The following CCDC178 variants were observed in gnomAD, a reference collection of about 807,000 sequenced individuals.
CCDC178 encodes coiled-coil domain-containing protein 178.
Under a neutral mutation model 117.4 loss-of-function variants are expected in CCDC178, and 126 were observed. The ratio of observed to expected loss-of-function variants is 1.07; its 90% CI spans 0.93 to 1.24. The LOEUF (loss-of-function observed/expected upper bound fraction) is 1.24, where lower values mean the gene tolerates loss of function less well. CCDC178 is among the 50% of genes most tolerant of loss of function. The pLI is 0.00. For missense variants in CCDC178, 1,030 were observed against 986.9 expected (o/e 1.04, Z -0.59); for synonymous variants, 283 against 313.4 (o/e 0.90, Z 1.02).
chr18:33,082,785 T>C (rs2057318069), intron 21 of CCDC178, among the ~76,000 whole-genome samples: 1 of 151,874 alleles, frequency 6.6e-6, no homozygotes, highest in South Asian at 2.1e-4. Context: ...AATAATCACA[T>C]CTAAGTTACT....
intron 21 of CCDC178, among the ~76,000 whole-genome samples, chr18:33,028,255 A>AGTGAGATAAGGCACAAACT (rs1203801179): frequency 6.6e-6 from 1 of 151,838 alleles, no homozygotes; most frequent in Non-Finnish European, 1.5e-5. Context: ...TCAAGACAGA[A>AGTGAGATAAGGCACAAACT]GTGAGATAAG....
intron 21 of CCDC178, among the ~76,000 whole-genome samples, chr18:33,054,632 T>C (rs1427584111): frequency 1.3e-5 from 2 of 152,240 alleles, no homozygotes; most frequent in Non-Finnish European, 2.9e-5. Context: ...TAGCATTCCA[T>C]GGTATATATG....
intron 3 of CCDC178, among the ~76,000 whole-genome samples, chr18:33,403,807 G>A (rs1025572980): frequency 7.2e-5 from 11 of 152,168 alleles, no homozygotes; most frequent in African/African-American, 2.7e-4. Flanking sequence ...GTGTGGACTA[G>A]TTTGAGAGTT....
In CCDC178 at chr18:33,370,030, A is replaced by AT; in HGVS notation, c.348+19dup. The AT allele has an allele frequency of 6.6e-7, 1 of 1,525,982 alleles. No homozygotes were observed. Among genetic ancestry groups the AT allele is most frequent in the South Asian group, 1.3e-5 (1 of 78,718 alleles). The allele number at this position is 1,525,982 out of a possible 1,614,324, so 94.5% of individuals were successfully genotyped here. A position where few individuals can be genotyped will look rare whatever the true frequency, so the allele number is the denominator to read the frequency against. ...CGATAAAGCTTACCAAAATATCAGC[A>AT]TTTTAAATTAGTCTCTTACCCTTTT... On this transcript the variant is annotated intron_variant, in intron 6 of 22. Coordinates refer to ENST00000383096, the MANE Select transcript of CCDC178 (RefSeq NM_001105528.4).
chr18:33,015,929 G>A (rs1421850560), intron 21 of CCDC178, among the ~76,000 whole-genome samples: 3 of 152,144 alleles, frequency 2.0e-5, no homozygotes, highest in Non-Finnish European at 4.4e-5. Flanking sequence ...CTTGAAATAG[G>A]TCATTTGAGA....
intron 9 of CCDC178, among the ~76,000 whole-genome samples, chr18:33,338,395 AT>A (rs2062771019): frequency 6.6e-6 from 1 of 152,194 alleles, no homozygotes; most frequent in Non-Finnish European, 1.5e-5. Flanking sequence ...CAGCAATCCC[AT>A]TACTAGGTAT....
intron 21 of CCDC178, among the ~76,000 whole-genome samples, chr18:33,065,174 G>T (rs1337802117): frequency 6.6e-6 from 1 of 152,120 alleles, no homozygotes; most frequent in East Asian, 1.9e-4. Context: ...GATAAGTTCT[G>T]GTGTTCTATT....
chr18:33,296,532 G>T (rs568574136), intron 11 of CCDC178, among the ~76,000 whole-genome samples: 1 of 152,174 alleles, frequency 6.6e-6, no homozygotes, highest in South Asian at 2.1e-4. Context: ...TGGAGGAAGG[G>T]TACACAGGAC....
At chr18:33,358,167 T>C (rs1225604514) in intron 6 of CCDC178, among the ~76,000 whole-genome samples, 2 of 151,994 alleles carry the variant, frequency 1.3e-5, no homozygotes, top group East Asian at 3.9e-4. Context: ...TGTAATCTCA[T>C]GAGACCACTG....
intron 20 of CCDC178, among the ~76,000 whole-genome samples, chr18:33,106,360 C>G (rs978069279): frequency 6.6e-6 from 1 of 151,736 alleles, no homozygotes; most frequent in African/African-American, 2.4e-5. Context: ...AATGCTACAT[C>G]CACTCCAGAA....
intron 1 of CCDC178, 45 bp downstream of exon 1, chr18:33,440,608 C>G (rs1033896683): frequency 1.1e-4 from 16 of 148,540 alleles, no homozygotes; most frequent in Admixed American, 7.9e-4. Context: ...CGCCCCGCGC[C>G]GAGGCACAAG....
At chr18:33,367,015 A>T (rs1461629013) in intron 6 of CCDC178, among the ~76,000 whole-genome samples, 3 of 152,054 alleles carry the variant, frequency 2.0e-5, no homozygotes, top group Non-Finnish European at 4.4e-5. Context: ...TTTCCCTCAG[A>T]CATTCTGGAG....
intron 21 of CCDC178, among the ~76,000 whole-genome samples, chr18:33,028,988 GT>G (rs1202511289): frequency 6.6e-6 from 1 of 151,618 alleles, no homozygotes; most frequent in Non-Finnish European, 1.5e-5. Flanking sequence ...TTATTTTCTT[GT>G]AATTTTTTTC....
In CCDC178 at chr18:33,211,999, T is replaced by C. The variant is rs148139321; in HGVS notation, c.2135A>G (p.His712Arg). 1.1e-4 allele frequency: 171 copies of C among 1,608,452 alleles called. No homozygotes were observed. In the African/African-American group the frequency reaches 2.1e-3, roughly 19 times the overall value. ...KREHAQTVFD[H>R]YMQEKKDCEE... ...ACAGTCTTTTTTCTCTTGCATATAATGATCAAACACAGTTTGTGCATGTTC... is the reference window on the plus strand; with the variant it reads ...ACAGTCTTTTTTCTCTTGCATATAACGATCAAACACAGTTTGTGCATGTTC... Residue 712 changes from histidine to arginine, a missense_variant, in exon 20 of 23, where the codon CAT becomes CGT. Transcript: ENST00000383096.
intron 12 of CCDC178, among the ~76,000 whole-genome samples, chr18:33,276,866 C>A (rs1401211941): frequency 1.3e-5 from 2 of 152,172 alleles, no homozygotes; most frequent in Admixed American, 1.3e-4. Context: ...ATTACATGAG[C>A]TTCTCCCTAG....
At chr18:33,194,550 T>C (rs1250916824) in intron 20 of CCDC178, among the ~76,000 whole-genome samples, 1 of 152,206 alleles carries the variant, frequency 6.6e-6, no homozygotes, top group Non-Finnish European at 1.5e-5. Flanking sequence ...CACTCGCTTT[T>C]TCCCCCATCC....
chr18:33,149,448 G>A (rs2058314489), intron 20 of CCDC178, among the ~76,000 whole-genome samples: 1 of 152,170 alleles, frequency 6.6e-6, no homozygotes, highest in South Asian at 2.1e-4. Flanking sequence ...AAGAAACTCT[G>A]AAGATCCTTG....
chr18:32,980,932 T>C (rs1273276785), intron 21 of CCDC178, among the ~76,000 whole-genome samples: 2 of 152,236 alleles, frequency 1.3e-5, no homozygotes, highest in African/African-American at 2.4e-5. Flanking sequence ...CCAGCAATTA[T>C]ACTTAAAGCT....
At chr18:33,144,110 AGAGTTTT>A (rs2058242743) in intron 20 of CCDC178, among the ~76,000 whole-genome samples, 1 of 152,138 alleles carries the variant, frequency 6.6e-6, no homozygotes, top group Non-Finnish European at 1.5e-5. Context: ...TATTGAAGGC[AGAGTTTT>A]ATTCAATAAG....
Sources: gnomAD v4.1 joint callset for allele counts (sites outside exome capture counted in the v4.1 genomes callset) on GRCh38, gnomAD v4.1.1 for gene constraint, MANE v1.5 for transcripts, NCBI Gene and HGNC (gene_info 2026-07-23, HGNC 2026-07-21) for gene names.